CSMD3: variants seen among roughly 807,000 people sequenced by gnomAD.
The protein encoded by CSMD3 is CUB and sushi domain-containing protein 3.
A neutral mutation model predicts 435.2 loss-of-function variants in CSMD3; 177 were observed. The observed-to-expected ratio is 0.41, with a 90% confidence interval of 0.36 to 0.46. The LOEUF (loss-of-function observed/expected upper bound fraction) is 0.46. Ranked by LOEUF, CSMD3 falls within the 20% of genes least tolerant of loss-of-function variation. The pLI is 0.34. For missense variants in CSMD3, 4,265 were observed against 4,504.6 expected (o/e 0.95, Z 1.52); for synonymous variants, 1,656 against 1,520.5 (o/e 1.09, Z -2.07).
intron 1 of CSMD3, among the ~76,000 whole-genome samples, chr8:113,334,069 C>A (rs1432665979): frequency 6.6e-6 from 1 of 151,822 alleles, no homozygotes; most frequent in African/African-American, 2.4e-5. Context: ...ATGTTCACTG[C>A]TACTATACAA....
At chr8:112,868,346 A>G (rs575107704) in intron 10 of CSMD3, among the ~76,000 whole-genome samples, 22 of 152,298 alleles carry the variant, frequency 1.4e-4, no homozygotes, top group African/African-American at 5.3e-4. Context: ...AAATGATGAT[A>G]AAAAGTATGG....
intron 11 of CSMD3, among the ~76,000 whole-genome samples, chr8:112,842,064 G>A (rs76227095): frequency 0.04 from 6,084 of 151,840 alleles, 406 homozygotes; most frequent in African/African-American, 0.14. Context: ...AAGGGCAAGT[G>A]CTGTGGGTAA....
At chr8:112,308,623 G>A (rs563081675) in intron 50 of CSMD3, among the ~76,000 whole-genome samples, 4 of 151,966 alleles carry the variant, frequency 2.6e-5, no homozygotes, top group Admixed American at 6.5e-5. Context: ...AAAGTGAGAC[G>A]GAATACAAAG....
At chr8:113,200,639 A>C (rs1354998153) in intron 3 of CSMD3, among the ~76,000 whole-genome samples, 1 of 151,206 alleles carries the variant, frequency 6.6e-6, no homozygotes, top group Non-Finnish European at 1.5e-5. Flanking sequence ...CACGTGCAGA[A>C]CGAGCTAGAA....
In CSMD3 at chr8:112,371,485, C is replaced by T. The variant is rs956925502; in HGVS notation, c.6136+8867G>A. Among the ~76,000 whole-genome samples the T allele has an allele frequency of 1.8e-4, 27 of 152,122 alleles. 1 individual carries two copies. The highest frequency in any genetic ancestry group is 1.0e-3 in the Admixed American group (16 of 15,272). ...CCCTACACTCCAGGAATTACACTCCCTCCTAAATGTCTCCCCCATCTCCTT... is the reference window on the plus strand; with the variant it reads ...CCCTACACTCCAGGAATTACACTCCTTCCTAAATGTCTCCCCCATCTCCTT... On this transcript the variant is annotated intron_variant, in intron 38 of 70. Transcript: ENST00000297405.
intron 53 of CSMD3, among the ~76,000 whole-genome samples, chr8:112,297,553 A>T (rs530119065): frequency 1.3e-5 from 2 of 152,212 alleles, no homozygotes; most frequent in Admixed American, 6.5e-5. Flanking sequence ...ACTGACAACA[A>T]ATTAGGAATA....
chr8:113,301,674 A>G (rs1206176187), intron 2 of CSMD3, among the ~76,000 whole-genome samples: 1 of 152,038 alleles, frequency 6.6e-6, no homozygotes, highest in Non-Finnish European at 1.5e-5. Flanking sequence ...AATACAACTG[A>G]AAAGCCTTTA....
chr8:113,132,845 C>T (rs939033512), intron 4 of CSMD3, among the ~76,000 whole-genome samples: 8 of 152,124 alleles, frequency 5.3e-5, no homozygotes, highest in East Asian at 3.9e-4. Context: ...TAAATTATTA[C>T]GCTATATGCC....
intron 32 of CSMD3, among the ~76,000 whole-genome samples, chr8:112,414,523 C>T (rs1296289059): frequency 6.6e-6 from 1 of 152,124 alleles, no homozygotes; most frequent in Admixed American, 6.6e-5. Context: ...TTATAAATTA[C>T]CTAATCTTGG....
At chr8:112,926,434 C>T (rs1564112176) in intron 9 of CSMD3, among the ~76,000 whole-genome samples, 1 of 152,124 alleles carries the variant, frequency 6.6e-6, no homozygotes, top group Non-Finnish European at 1.5e-5. Context: ...TCTGATACAA[C>T]ATTTCAAAAC....
chr8:112,316,164 A>G (rs1205497317), intron 47 of CSMD3, among the ~76,000 whole-genome samples: 1 of 151,806 alleles, frequency 6.6e-6, no homozygotes, highest in Non-Finnish European at 1.5e-5. Flanking sequence ...TTGAAAACTG[A>G]CTATATAATA....
intron 27 of CSMD3, among the ~76,000 whole-genome samples, chr8:112,523,110 T>C (rs188131161): frequency 6.6e-6 from 1 of 152,082 alleles, no homozygotes; most frequent in Non-Finnish European, 1.5e-5. Context: ...GACTTTTTGG[T>C]ATAAACTTGT....
At chr8:112,269,682 CA>C (rs1246076943) in intron 59 of CSMD3, among the ~76,000 whole-genome samples, 2 of 152,050 alleles carry the variant, frequency 1.3e-5, no homozygotes, top group African/African-American at 4.8e-5. Context: ...TTTGTACTGA[CA>C]AAAAAATGTA....
intron 38 of CSMD3, among the ~76,000 whole-genome samples, chr8:112,366,349 G>C (rs1827779122): frequency 6.6e-6 from 1 of 152,084 alleles, no homozygotes; most frequent in Admixed American, 6.6e-5. Context: ...CATCAAACAA[G>C]GGTAAATTTG....
At chr8:112,374,757 A>T (rs1487012580) in intron 38 of CSMD3, among the ~76,000 whole-genome samples, 1 of 152,194 alleles carries the variant, frequency 6.6e-6, no homozygotes, top group African/African-American at 2.4e-5. Flanking sequence ...TGATTATAAT[A>T]TCGTCTTCTA....
At chr8:112,748,424 A>C (rs1156969056) in intron 13 of CSMD3, among the ~76,000 whole-genome samples, 1 of 152,148 alleles carries the variant, frequency 6.6e-6, no homozygotes, top group African/African-American at 2.4e-5. Flanking sequence ...TTTGTTGTAC[A>C]TATTATTATA....
intron 10 of CSMD3, among the ~76,000 whole-genome samples, chr8:112,898,323 A>T (rs1257233725): frequency 6.6e-6 from 1 of 151,126 alleles, no homozygotes; most frequent in Non-Finnish European, 1.5e-5. Context: ...TGCTGATTAG[A>T]TTGTATTTCT....
At chr8:113,335,537 CTTTTTTTTTTTTT>C (rs1222360431) in intron 1 of CSMD3, among the ~76,000 whole-genome samples, 4 of 29,706 alleles carry the variant, frequency 1.3e-4, no homozygotes, top group Non-Finnish European at 1.1e-4. Flanking sequence ...CCTCCTCCTT[CTTTTTTTTTTTTT>C]TTTTTTTTTT....
chr8:112,280,895 T>C (rs1008354840), intron 59 of CSMD3, among the ~76,000 whole-genome samples: 2 of 152,146 alleles, frequency 1.3e-5, no homozygotes, highest in African/African-American at 4.8e-5. Flanking sequence ...TAAATCATCA[T>C]TGTTCTTAAA....
Sources: gnomAD v4.1 joint callset for allele counts (sites outside exome capture counted in the v4.1 genomes callset) on GRCh38, gnomAD v4.1.1 for gene constraint, MANE v1.5 for transcripts, NCBI Gene and HGNC (gene_info 2026-07-23, HGNC 2026-07-21) for gene names.